GRAMD1B: variants seen among roughly 807,000 people sequenced by gnomAD.
GRAMD1B encodes protein Aster-B.
In GRAMD1B, 37 loss-of-function variants were observed where a neutral mutation model predicts 99.7. That is an observed-to-expected ratio of 0.37 (90% CI 0.29 to 0.49). The LOEUF (loss-of-function observed/expected upper bound fraction) is 0.49. Among genes scored for constraint, GRAMD1B ranks in the 20% least tolerant of loss-of-function variants. The pLI, the probability that GRAMD1B is intolerant of heterozygous loss-of-function variation, is 0.98. For missense variants in GRAMD1B, 888 were observed against 1,009.2 expected, an observed-to-expected ratio of 0.88 and a Z score of 1.63; for synonymous variants, 427 against 387.6, an observed-to-expected ratio of 1.10 and a Z score of -1.19.
Position 123,561,188 on chromosome 11 carries a change from C to T in GRAMD1B, c.453-16179C>T, listed in dbSNP as rs555373697. Among the ~76,000 whole-genome samples the T allele has an allele frequency of 2.6e-5, 4 of 152,268 alleles. No homozygotes were observed. In the South Asian group the frequency reaches 6.2e-4, roughly 24 times the overall value. ...AGGGCAGAGGAATGAATTAGTGGCA[C>T]AATGCATCATGGAGAACTGGCTGAG... On this transcript the variant is annotated intron_variant, in intron 2 of 19. Coordinates refer to ENST00000635736, the MANE Select transcript of GRAMD1B (RefSeq NM_001387025.1).
At chr11:123,476,359 C>T (rs1189308518) in intron 1 of GRAMD1B, among the ~76,000 whole-genome samples, 2 of 152,214 alleles carry the variant, frequency 1.3e-5, no homozygotes, top group Non-Finnish European at 2.9e-5. Flanking sequence ...CCTCGGCTTC[C>T]TAAAGTGCTG....
chr11:123,493,474 A>G (rs1938848713), intron 2 of GRAMD1B, among the ~76,000 whole-genome samples: 1 of 152,164 alleles, frequency 6.6e-6, no homozygotes, highest in Non-Finnish European at 1.5e-5. Flanking sequence ...ATGAGAAGTA[A>G]TGTTTGACTT....
intron 1 of GRAMD1B, among the ~76,000 whole-genome samples, chr11:123,480,384 C>T (rs373290392): frequency 6.6e-6 from 1 of 152,072 alleles, no homozygotes; most frequent in East Asian, 1.9e-4. Context: ...CCTCCTCCCA[C>T]ACATCTCACA....
chr11:123,434,055 C>T (rs1949040341), intron 1 of GRAMD1B, among the ~76,000 whole-genome samples: 1 of 151,842 alleles, frequency 6.6e-6, no homozygotes, highest in Non-Finnish European at 1.5e-5. Flanking sequence ...CACGGAGAAA[C>T]ACCGTCTCTA....
chr11:123,563,926 T>C (rs921608515), intron 2 of GRAMD1B, among the ~76,000 whole-genome samples: 13 of 152,218 alleles, frequency 8.5e-5, no homozygotes, highest in African/African-American at 3.1e-4. Flanking sequence ...TCTTACAGTT[T>C]TCTCTATTCT....
intron 1 of GRAMD1B, among the ~76,000 whole-genome samples, chr11:123,417,328 G>A (rs529664728): frequency 2.6e-5 from 4 of 152,234 alleles, no homozygotes; most frequent in East Asian, 3.9e-4. Flanking sequence ...AGCTGAGATC[G>A]CGCCATTGCA....
At chr11:123,453,523 G>A (rs553259602) in intron 1 of GRAMD1B, among the ~76,000 whole-genome samples, 2 of 152,094 alleles carry the variant, frequency 1.3e-5, no homozygotes, top group Admixed American at 6.5e-5. Flanking sequence ...CGCCATGTTG[G>A]GCAGGCTGGT....
chr11:123,497,977 C>T (rs114611200), intron 2 of GRAMD1B, among the ~76,000 whole-genome samples: 4,081 of 152,196 alleles, frequency 0.027, 90 homozygotes, highest in African/African-American at 0.043. Context: ...ACTCTTCCCT[C>T]CCCCTTCCCG....
At chr11:123,523,770 AG>A (rs1197361012) in intron 2 of GRAMD1B, among the ~76,000 whole-genome samples, 2 of 152,204 alleles carry the variant, frequency 1.3e-5, no homozygotes, top group African/African-American at 2.4e-5. Context: ...TGAATTATCT[AG>A]GTCATAAAGG....
At position 123,474,081 on chromosome 11, in the gene GRAMD1B, C is replaced by A. The variant is rs114272091; in HGVS notation, c.375-6735C>A. ...TCAGGCTAAGGGCCTTTTCTGTTAT[C>A]TTTCTCCCATGCACTGGCTATTTCA... On this transcript the variant is annotated intron_variant, in intron 1 of 19. Transcript: ENST00000635736. 4.0e-3 allele frequency among the ~76,000 whole-genome samples: 607 copies of A among 152,262 alleles called. 1 individual carries two copies. The highest frequency in any genetic ancestry group is 0.014 in the African/African-American group (573 of 41,546).
chr11:123,583,808 C>T (rs1368792728), intron 3 of GRAMD1B, among the ~76,000 whole-genome samples: 1 of 152,100 alleles, frequency 6.6e-6, no homozygotes, highest in Non-Finnish European at 1.5e-5. Flanking sequence ...CATTTTTTGG[C>T]GCAGGAGGGA....
chr11:123,528,497 A>AATCCCCATTTT (rs930948356), intron 2 of GRAMD1B, among the ~76,000 whole-genome samples: 5 of 152,162 alleles, frequency 3.3e-5, no homozygotes, highest in Admixed American at 2.0e-4. Context: ...TTATGATAAG[A>AATCCCCATTTT]ATCCCCATTT....
At chr11:123,567,313 G>A (rs1413639270) in intron 2 of GRAMD1B, among the ~76,000 whole-genome samples, 3 of 152,194 alleles carry the variant, frequency 2.0e-5, no homozygotes, top group African/African-American at 7.2e-5. Flanking sequence ...TCTCTTAGGG[G>A]ATATGAACCT....
intron 2 of GRAMD1B, among the ~76,000 whole-genome samples, chr11:123,525,413 G>GT (rs894186130): frequency 2.6e-5 from 4 of 152,132 alleles, no homozygotes; most frequent in African/African-American, 9.7e-5. Flanking sequence ...TAGGGTCCAG[G>GT]TTCCCCTCCC....
chr11:123,618,849 C>T lies in GRAMD1B; in HGVS notation c.2426+49C>T, dbSNP rs555295452. On this transcript the variant is annotated intron_variant, in intron 18 of 19. Coordinates refer to ENST00000635736, the MANE Select transcript of GRAMD1B (RefSeq NM_001387025.1). ...CCTCCACCTTCATCCCACCCAGTGC[C>T]ATGATACCTGTCTCCCAGTCTCCTT... is the stretch of plus-strand genomic sequence containing the variant. The T allele has an allele frequency of 5.4e-6, 5 of 920,738 alleles. 1 individual carries two copies. The South Asian group carries it at 5.6e-5, about 10-fold the overall frequency. 57.0% of individuals were successfully genotyped at this position (920,738 alleles called of 1,614,324 possible). A position where few individuals can be genotyped will look rare whatever the true frequency, so the allele number is the denominator to read the frequency against.
intron 1 of GRAMD1B, among the ~76,000 whole-genome samples, chr11:123,374,850 GT>G (rs1304373102): frequency 6.6e-6 from 1 of 152,154 alleles, no homozygotes; most frequent in Non-Finnish European, 1.5e-5. Flanking sequence ...TGTGGCGTCT[GT>G]CTTCCCCAAT....
Position 123,625,030 on chromosome 11 carries a change from G to A in GRAMD1B, c.*2435G>A, listed in dbSNP as rs1186024085. ...CTTTAAGAATCATGGATCTCTTGTA[G>A]GCTCTCTGTGTTCCAATAATTTTTT... On this transcript the variant is annotated 3_prime_UTR_variant, in exon 20 of 20. Transcript: ENST00000635736. 1 of 152,162 alleles carries A rather than the reference G, an allele frequency of 6.6e-6. No individual in the cohort carries two copies. The highest frequency in any genetic ancestry group is 6.5e-5 in the Admixed American group (1 of 15,280). The allele number at this position is 152,162 out of a possible 1,614,324, so 9.4% of individuals were successfully genotyped here.
rs536283941 is a variant in GRAMD1B, at chr11:123,522,701, A to G, written c.452+41808A>G. 3.3e-5 allele frequency among the ~76,000 whole-genome samples: 5 copies of G among 152,288 alleles called. No individual in the cohort carries two copies. The South Asian group carries it at 8.3e-4, about 25-fold the overall frequency. On this transcript the variant is annotated intron_variant, in intron 2 of 19. Transcript: ENST00000635736. Reference sequence around the variant, plus strand: ...TCTGTTTCAGAAACAAGAAAGAGCCAAGGGGAATTCGAGGCAGATGATGAT... The same window carrying G: ...TCTGTTTCAGAAACAAGAAAGAGCCGAGGGGAATTCGAGGCAGATGATGAT...
rs576634156 is a variant in GRAMD1B, at chr11:123,550,590, A to C, written c.453-26777A>C. Among the ~76,000 whole-genome samples, 11 of 152,298 alleles carry C rather than the reference A, an allele frequency of 7.2e-5. No homozygotes were observed. The South Asian group carries it at 2.3e-3, about 32-fold the overall frequency. On this transcript the variant is annotated intron_variant, in intron 2 of 19. Transcript: ENST00000635736. ...GTGGAGGAAGGTGGAGGGGATGTTC[A>C]TGTGGCTCAAGCCCAGGGCCAGTGG... is the stretch of plus-strand genomic sequence containing the variant.
Sources: gnomAD v4.1 joint callset for allele counts (sites outside exome capture counted in the v4.1 genomes callset) on GRCh38, gnomAD v4.1.1 for gene constraint, MANE v1.5 for transcripts, NCBI Gene and HGNC (gene_info 2026-07-23, HGNC 2026-07-21) for gene names.